Variants in NLGN1 observed in about 807,000 individuals in gnomAD.
NLGN1 encodes the protein neuroligin 1.
NLGN1 carries 12 observed loss-of-function variants against 65.5 expected under a neutral mutation model. The observed-to-expected ratio is 0.18, with a 90% CI of 0.12 to 0.30. The LOEUF is 0.30. NLGN1 is among the 10% of genes least tolerant of loss of function. The pLI, the probability that NLGN1 is intolerant of heterozygous loss-of-function variation, is 1.00. For missense variants in NLGN1, 750 were observed against 1,007.1 expected, an observed-to-expected ratio of 0.74 and a Z score of 3.46; for synonymous variants, 350 against 359.5, an observed-to-expected ratio of 0.97 and a Z score of 0.30.
chr3:173,592,475 T>C (rs546635767), intron 2 of NLGN1, among the ~76,000 whole-genome samples: 3 of 152,198 alleles, frequency 2.0e-5, no homozygotes, highest in African/African-American at 7.2e-5. Context: ...TGGAATTAGC[T>C]GCCAGTCTAC....
chr3:173,891,677 G>A (rs947072297), intron 4 of NLGN1, among the ~76,000 whole-genome samples: 7 of 152,120 alleles, frequency 4.6e-5, no homozygotes, highest in Non-Finnish European at 2.9e-5. Context: ...AACTTACCAA[G>A]GCAGTGGATA....
chr3:173,829,769 T>G (rs1722131620), intron 4 of NLGN1, among the ~76,000 whole-genome samples: 1 of 152,294 alleles, frequency 6.6e-6, no homozygotes, highest in South Asian at 2.1e-4. Context: ...TTCTCTCAAA[T>G]TCCTTTCATT....
At chr3:173,577,445 C>G (rs562097451) in intron 2 of NLGN1, among the ~76,000 whole-genome samples, 1 of 152,162 alleles carries the variant, frequency 6.6e-6, no homozygotes, top group African/African-American at 2.4e-5. Flanking sequence ...TTCCTTCTCT[C>G]CCTTCCTCCT....
intron 4 of NLGN1, 63 bp downstream of exon 4, chr3:173,807,895 G>T: frequency 1.3e-6 from 2 of 1,522,818 alleles, no homozygotes; most frequent in Non-Finnish European, 1.8e-6. Context: ...GTTTTGTTTT[G>T]ACTTGTTTTG....
intron 3 of NLGN1, among the ~76,000 whole-genome samples, chr3:173,747,902 C>T (rs1012736208): frequency 6.8e-6 from 1 of 147,692 alleles, no homozygotes; most frequent in Non-Finnish European, 1.5e-5. Context: ...GAACCTCCAC[C>T]ACCTGGGTTT....
intron 3 of NLGN1, among the ~76,000 whole-genome samples, chr3:173,798,724 T>G (rs181701866): frequency 9.9e-5 from 15 of 152,222 alleles, no homozygotes; most frequent in Admixed American, 8.5e-4. Flanking sequence ...TTTCCCTGTC[T>G]GTGTTTGAAA....
At chr3:173,795,929 GA>G (rs909372339) in intron 3 of NLGN1, among the ~76,000 whole-genome samples, 1 of 152,000 alleles carries the variant, frequency 6.6e-6, no homozygotes, top group Admixed American at 6.6e-5. Context: ...GAGGACAGGG[GA>G]AAAAAACAAG....
chr3:174,275,118 A>C (rs1750296097), intron 4 of NLGN1, among the ~76,000 whole-genome samples, 197 bp from the exon 5 acceptor site: 1 of 151,736 alleles, frequency 6.6e-6, no homozygotes, highest in Non-Finnish European at 1.5e-5. Context: ...GGGGAAGATA[A>C]ATGTCATTTT....
At chr3:173,570,592 C>A (rs551664868) in intron 2 of NLGN1, among the ~76,000 whole-genome samples, 2 of 152,072 alleles carry the variant, frequency 1.3e-5, no homozygotes, top group African/African-American at 2.4e-5. Context: ...GCCCTCCCCC[C>A]AATGGGTGCT....
chr3:174,189,519 C>T (rs1269677877), intron 4 of NLGN1, among the ~76,000 whole-genome samples: 1 of 151,892 alleles, frequency 6.6e-6, no homozygotes, highest in Admixed American at 6.6e-5. Flanking sequence ...AGGAGAAAAT[C>T]TTAAGTTATA....
At chr3:173,582,832 C>T (rs1746610642) in intron 2 of NLGN1, among the ~76,000 whole-genome samples, 2 of 151,798 alleles carry the variant, frequency 1.3e-5, no homozygotes, top group Admixed American at 6.6e-5. Context: ...CCTTTCTGTT[C>T]TCATCTACCC....
intron 3 of NLGN1, among the ~76,000 whole-genome samples, chr3:173,799,514 A>G (rs1714931658): frequency 6.6e-6 from 1 of 152,002 alleles, no homozygotes; most frequent in African/African-American, 2.4e-5. Flanking sequence ...AAACTGCACT[A>G]AGGCATAATT....
At chr3:174,266,317 T>C (rs73040904) in intron 4 of NLGN1, among the ~76,000 whole-genome samples, 1,915 of 152,292 alleles carry the variant, frequency 0.013, 38 homozygotes, top group African/African-American at 0.043. Context: ...TATTCTGTTT[T>C]CTGCTCTTGT....
upstream of NLGN1, chr3:173,396,143 T>C: frequency 6.3e-6 from 1 of 159,230 alleles, no homozygotes; most frequent in Non-Finnish European, 1.4e-5. Context: ...CGGAGGCGAT[T>C]GCTCACTTAG....
At chr3:173,667,616 G>A (rs1281082735) in intron 3 of NLGN1, among the ~76,000 whole-genome samples, 1 of 151,852 alleles carries the variant, frequency 6.6e-6, no homozygotes, top group Non-Finnish European at 1.5e-5. Context: ...AGTTTATTTG[G>A]TTGCTATTTT....
intron 2 of NLGN1, among the ~76,000 whole-genome samples, chr3:173,507,856 G>T (rs1352277785): frequency 1.3e-5 from 2 of 152,108 alleles, no homozygotes; most frequent in Non-Finnish European, 2.9e-5. Flanking sequence ...ACATATCTGG[G>T]TTTAACTTCT....
chr3:174,080,443 G>C (rs1269639749), intron 4 of NLGN1, among the ~76,000 whole-genome samples: 1 of 152,214 alleles, frequency 6.6e-6, no homozygotes, highest in Non-Finnish European at 1.5e-5. Flanking sequence ...CGACTTAAGA[G>C]ATCAAGTGCG....
intron 3 of NLGN1, among the ~76,000 whole-genome samples, chr3:173,670,985 A>C (rs899594762): frequency 1.3e-5 from 2 of 152,136 alleles, no homozygotes; most frequent in Non-Finnish European, 2.9e-5. Flanking sequence ...TGTAATGGCA[A>C]ATGTCTTAAT....
chr3:174,003,365 T>A (rs569292729), intron 4 of NLGN1, among the ~76,000 whole-genome samples: 51 of 152,210 alleles, frequency 3.4e-4, no homozygotes, highest in African/African-American at 1.2e-3. Flanking sequence ...TAATGAGTGG[T>A]CCATGGACCA....
Sources: gnomAD v4.1 joint callset for allele counts (sites outside exome capture counted in the v4.1 genomes callset) on GRCh38, gnomAD v4.1.1 for gene constraint, MANE v1.5 for transcripts, NCBI Gene and HGNC (gene_info 2026-07-23, HGNC 2026-07-21) for gene names.